Variants in IARS1 observed in about 807,000 individuals in gnomAD.
IARS1 encodes the protein isoleucine--tRNA ligase, cytoplasmic.
IARS1 carries 124 observed loss-of-function variants against 168.2 expected under a neutral mutation model. That is an observed-to-expected ratio of 0.74 (90% CI 0.64 to 0.86). IARS1 has a LOEUF of 0.86. IARS1 is among the 40% of genes least tolerant of loss of function. The pLI, the probability that IARS1 is intolerant of heterozygous loss-of-function variation, is 0.00. For missense variants in IARS1, 1,452 were observed against 1,515.8 expected (o/e 0.96, Z 0.70); for synonymous variants, 532 against 529.4 (o/e 1.00, Z -0.07).
Position 92,253,427 on chromosome 9 carries a change from G to A in IARS1, c.2164C>T (p.Arg722Cys), listed in dbSNP as rs902321648. The A allele has an allele frequency of 1.9e-5, 31 of 1,613,254 alleles. No individual in the cohort carries two copies. The highest frequency in any genetic ancestry group is 1.6e-4 in the Middle Eastern group (1 of 6,084). The change falls in exon 21 of 34, where the codon CGC (arginine) becomes TGC (cysteine). Residue 722 changes from arginine (R) to cysteine (C), a missense_variant. Coordinates refer to ENST00000443024, the MANE Select transcript of IARS1 (RefSeq NM_002161.6). ...AGAATATCTACAAACTTGACCAGGCGAGGCACCACAGTATAAAGCCTATAA... is the reference window on the plus strand; with the variant it reads ...AGAATATCTACAAACTTGACCAGGCAAGGCACCACAGTATAAAGCCTATAA... ...AAYRLYTVVP[R>C]LVKFVDILTN...
chr9:92,262,964 C>T lies in IARS1; in HGVS notation c.1787+5G>A. Reference sequence around the variant, plus strand: ...CCACCCGTCACTACAACAAAGTTGACCTACCTTGCCAGGACAAGCCCATTC... The same window carrying T: ...CCACCCGTCACTACAACAAAGTTGATCTACCTTGCCAGGACAAGCCCATTC... On this transcript the variant is annotated splice_donor_5th_base_variant and intron_variant, in intron 17 of 33. Transcript: ENST00000443024. The T allele has an allele frequency of 6.2e-7, 1 of 1,611,198 alleles. No individual in the cohort carries two copies. The highest frequency in any genetic ancestry group is 1.1e-5 in the South Asian group (1 of 91,012).
At chr9:92,280,915 T>A in intron 6 of IARS1, 22 bp from the exon 7 acceptor site, 1 of 1,580,204 alleles carries the variant, frequency 6.3e-7, no homozygotes, top group South Asian at 1.1e-5. Context: ...TGAGGTAAAG[T>A]ATTGTTTTAG....
Position 92,223,436 on chromosome 9 carries a change from TCA to T in IARS1, c.3461_3462del (p.Val1154AspfsTer13), listed in dbSNP as rs771883699. On this transcript the variant is annotated frameshift_variant, in exon 32 of 34. Coordinates refer to ENST00000443024, the MANE Select transcript of IARS1 (RefSeq NM_002161.6). LOFTEE classifies it high-confidence loss of function. The stretch of plus-strand genomic sequence containing the variant: ...ATCAGAGAGGGAGCCGATCCTGCAG[TCA>T]CACAAAGTGTTTTTCCACTAAGACT... ...LLSLSGKTLC[V>X]TAGSAPSLIN... is the part of the protein sequence containing the mutation. 5 of 1,613,848 alleles carry T rather than the reference TCA, an allele frequency of 3.1e-6. No individual in the cohort carries two copies. Among genetic ancestry groups the T allele is most frequent in the Admixed American group, 3.3e-5 (2 of 59,992 alleles).
chr9:92,270,648 A>G (rs529545727), intron 12 of IARS1, among the ~76,000 whole-genome samples: 4 of 152,270 alleles, frequency 2.6e-5, no homozygotes, highest in Admixed American at 1.3e-4. Flanking sequence ...TGCAAAAATC[A>G]GCCGGGTGTG....
intron 25 of IARS1, among the ~76,000 whole-genome samples, chr9:92,248,582 G>A (rs899444942): frequency 1.4e-5 from 2 of 142,118 alleles, no homozygotes; most frequent in Non-Finnish European, 3.0e-5. Context: ...GAGCCCAGGA[G>A]ATGGAGGCTG....
At position 92,210,727 on chromosome 9, in the gene IARS1, G is replaced by T; in HGVS notation, c.*80C>A. 1.2e-6 allele frequency: 1 copy of T among 816,936 alleles called. No homozygotes were observed. The highest frequency in any genetic ancestry group is 2.2e-6 in the Non-Finnish European group (1 of 459,518). The allele number at this position is 816,936 out of a possible 1,614,324, so 50.6% of individuals were successfully genotyped here. A position where few individuals can be genotyped will look rare whatever the true frequency, so the allele number is the denominator to read the frequency against. The stretch of plus-strand genomic sequence containing the variant: ...AAGGAAATATCTTCAGTGTGTTCAT[G>T]TGTGTGTCTATGTGCATGTATGTGT... On this transcript the variant is annotated 3_prime_UTR_variant, in exon 34 of 34. Coordinates refer to ENST00000443024, the MANE Select transcript of IARS1 (RefSeq NM_002161.6).
intron 30 of IARS1, among the ~76,000 whole-genome samples, chr9:92,232,120 G>C (rs72750421): frequency 0.031 from 4,657 of 152,062 alleles, 111 homozygotes; most frequent in South Asian, 0.079. Context: ...GAAGACTGCC[G>C]AACATGCACA....
At chr9:92,275,932 G>C (rs574490715) in intron 9 of IARS1, among the ~76,000 whole-genome samples, 11 of 152,332 alleles carry the variant, frequency 7.2e-5, no homozygotes, top group African/African-American at 2.4e-4. Flanking sequence ...TACCTACCAA[G>C]TGCATATTCC....
At chr9:92,245,442 C>G (rs1829042444) in intron 26 of IARS1, among the ~76,000 whole-genome samples, 1 of 152,114 alleles carries the variant, frequency 6.6e-6, no homozygotes, top group African/African-American at 2.4e-5. Context: ...AACTTAGGTC[C>G]ACTATTTGCT....
intron 31 of IARS1, among the ~76,000 whole-genome samples, chr9:92,226,857 G>T (rs1825779934): frequency 6.8e-6 from 1 of 147,844 alleles, no homozygotes; most frequent in South Asian, 2.2e-4. Context: ...TCGCAGAGGG[G>T]GATTTGGCAG....
At chr9:92,272,173 T>C (rs950137524) in intron 10 of IARS1, among the ~76,000 whole-genome samples, 1 of 152,244 alleles carries the variant, frequency 6.6e-6, no homozygotes, top group South Asian at 2.1e-4. Context: ...CCAGAGTCTA[T>C]AGTCTTCATC....
intron 7 of IARS1, among the ~76,000 whole-genome samples, chr9:92,279,713 T>C (rs1834265389): frequency 6.6e-6 from 1 of 152,376 alleles, no homozygotes; most frequent in East Asian, 1.9e-4. Context: ...ACATCTACAA[T>C]GTTGTGTAAT....
chr9:92,290,989 T>C (rs1836233989), intron 1 of IARS1, among the ~76,000 whole-genome samples: 1 of 152,164 alleles, frequency 6.6e-6, no homozygotes, highest in Non-Finnish European at 1.5e-5. Flanking sequence ...TTTTATTGCT[T>C]ATTCATGATT....
rs779362638 is a variant in IARS1, at chr9:92,287,876, C to G, written c.311G>C (p.Gly104Ala). 2 of 1,613,776 alleles carry G rather than the reference C, an allele frequency of 1.2e-6. No individual in the cohort carries two copies. The highest frequency in any genetic ancestry group is 3.3e-5 in the Admixed American group (2 of 59,964). The change falls in exon 4 of 34, where the codon GGA becomes GCA. Residue 104 changes from glycine (G) to alanine (A), a missense_variant. Gly to Ala is a moderately conservative substitution (Grantham distance 60). Transcript: ENST00000443024. Reference protein sequence around the residue: ...YEIDKTLGIRGPEDVAKMGIT... With the variant: ...YEIDKTLGIRAPEDVAKMGIT... The stretch of plus-strand genomic sequence containing the variant: ...CCCCATTTTGGCCACATCCTCTGGT[C>G]CTCTGATTCCCAGTGTCTTATCAAT...
intron 8 of IARS1, 24 bp downstream of exon 8, chr9:92,278,175 C>T: frequency 2.1e-6 from 3 of 1,408,286 alleles, no homozygotes; most frequent in African/African-American, 1.4e-5. Flanking sequence ...CACACAAACA[C>T]AGAGCAACTA....
Position 92,287,774 on chromosome 9 carries a change from A to C in IARS1, c.396+17T>G. 1 of 1,602,860 alleles carries C rather than the reference A, an allele frequency of 6.2e-7. No homozygotes were observed. Among genetic ancestry groups the C allele is most frequent in the Non-Finnish European group, 8.5e-7 (1 of 1,174,244 alleles). ...ACTACATTTGCTGTTCATTCTACTG[A>C]AAAAAACCCAACATACCTTCCACTC... On this transcript the variant is annotated intron_variant, in intron 4 of 33. Coordinates refer to ENST00000443024, the MANE Select transcript of IARS1 (RefSeq NM_002161.6).
Position 92,250,243 on chromosome 9 carries a change from G to A in IARS1, c.2476C>T (p.Gln826Ter), listed in dbSNP as rs1829816754. The A allele has an allele frequency of 6.2e-7, 1 of 1,612,416 alleles. No homozygotes were observed. Residue 826 changes from glutamine to a stop codon, truncating the protein, a stop_gained, in exon 24 of 34, where the codon CAG becomes TAG. Coordinates refer to ENST00000443024, the MANE Select transcript of IARS1 (RefSeq NM_002161.6). LOFTEE classifies it high-confidence loss of function. ...ACTCTTCCAAGTTCAATCACAGACT[G>A]CATCTGAGATACTGCACTCTCTGTT... The part of the protein sequence containing the change: ...KKTESAVSQM[Q>*]SVIELGRVIR...
intron 33 of IARS1, among the ~76,000 whole-genome samples, chr9:92,217,652 G>A (rs1838949395): frequency 1.3e-5 from 2 of 151,646 alleles, no homozygotes; most frequent in Non-Finnish European, 3.0e-5. Context: ...ACACCTCTAC[G>A]CAAATAAACT....
chr9:92,289,480 A>C (rs1056344958), intron 1 of IARS1, 54 bp from the exon 2 acceptor site: 1 of 804,202 alleles, frequency 1.2e-6, no homozygotes, highest in Non-Finnish European at 2.2e-6. Context: ...GGAATAACAG[A>C]GTACCATATT....
Sources: gnomAD v4.1 joint callset for allele counts (sites outside exome capture counted in the v4.1 genomes callset) on GRCh38, gnomAD v4.1.1 for gene constraint, MANE v1.5 for transcripts, NCBI Gene and HGNC (gene_info 2026-07-23, HGNC 2026-07-21) for gene names.